The following SNTB1 variants were observed in gnomAD, a reference collection of about 807,000 sequenced individuals.
SNTB1 encodes beta-1-syntrophin.
In SNTB1, 36 loss-of-function variants were observed where a neutral mutation model predicts 48.9. That is an observed-to-expected ratio of 0.74 (90% CI 0.56 to 0.97). The LOEUF is 0.97. Among genes scored for constraint, SNTB1 ranks in the 50% least tolerant of loss-of-function variants. The pLI is 0.00. For synonymous variants in SNTB1, 299 were observed against 294.6 expected (o/e 1.01, Z -0.15); for missense variants, 786 against 703.4 (o/e 1.12, Z -1.33).
intron 2 of SNTB1, among the ~76,000 whole-genome samples, chr8:120,648,595 T>C (rs1817345773): frequency 6.6e-6 from 1 of 151,980 alleles, no homozygotes; most frequent in African/African-American, 2.4e-5. Flanking sequence ...TGGCTGCCCT[T>C]AACATTTTTT....
intron 1 of SNTB1, among the ~76,000 whole-genome samples, chr8:120,809,418 T>C (rs2130196365): frequency 6.6e-6 from 1 of 152,310 alleles, no homozygotes; most frequent in South Asian, 2.1e-4. Flanking sequence ...AGTTTCTGTT[T>C]CAAGAAAGTC....
chr8:120,627,698 G>A (rs751508551), intron 3 of SNTB1, among the ~76,000 whole-genome samples: 2 of 152,138 alleles, frequency 1.3e-5, no homozygotes, highest in Non-Finnish European at 2.9e-5. Flanking sequence ...AATTTTAAAG[G>A]ATTTGAATTA....
intron 3 of SNTB1, among the ~76,000 whole-genome samples, chr8:120,584,254 C>G (rs948280850): frequency 2.0e-5 from 3 of 151,822 alleles, no homozygotes; most frequent in African/African-American, 7.3e-5. Context: ...CCAGCCTGGC[C>G]AACACTGTGA....
chr8:120,688,414 GATAA>G (rs1256490577), intron 2 of SNTB1, among the ~76,000 whole-genome samples: 1 of 152,142 alleles, frequency 6.6e-6, no homozygotes, highest in Non-Finnish European at 1.5e-5. Context: ...AAAGCGAGCA[GATAA>G]ATATACTATT....
intron 1 of SNTB1, among the ~76,000 whole-genome samples, 155 bp from the exon 2 acceptor site, chr8:120,694,063 G>A (rs577168685): frequency 1.4e-5 from 2 of 140,130 alleles, no homozygotes; most frequent in South Asian, 4.5e-4. Flanking sequence ...TCCACTCAAG[G>A]TAATTATCTT....
chr8:120,720,217 C>T (rs1587113419), intron 1 of SNTB1, among the ~76,000 whole-genome samples: 2 of 152,376 alleles, frequency 1.3e-5, no homozygotes, highest in South Asian at 4.1e-4. Flanking sequence ...TAGACCTTCC[C>T]TGGCACCCCA....
At chr8:120,544,023 T>C (rs1420859521) in intron 5 of SNTB1, among the ~76,000 whole-genome samples, 1 of 151,156 alleles carries the variant, frequency 6.6e-6, no homozygotes, top group Non-Finnish European at 1.5e-5. Flanking sequence ...AACTTGGGGC[T>C]CAAAGGATCC....
chr8:120,658,879 A>G (rs1817538896), intron 2 of SNTB1, among the ~76,000 whole-genome samples: 1 of 152,078 alleles, frequency 6.6e-6, no homozygotes, highest in South Asian at 2.1e-4. Flanking sequence ...ATAGCATTTT[A>G]CTGTCTGCAG....
intron 1 of SNTB1, among the ~76,000 whole-genome samples, chr8:120,763,960 T>C (rs1301841653): frequency 6.6e-6 from 1 of 152,070 alleles, no homozygotes; most frequent in Non-Finnish European, 1.5e-5. Context: ...TGAGCAAAAA[T>C]ATATCATCAG....
chr8:120,684,395 C>T (rs1226829449), intron 2 of SNTB1, among the ~76,000 whole-genome samples: 1 of 152,140 alleles, frequency 6.6e-6, no homozygotes, highest in Non-Finnish European at 1.5e-5. Flanking sequence ...AAATTCTTAA[C>T]TCATTCCAGC....
intron 2 of SNTB1, among the ~76,000 whole-genome samples, chr8:120,642,195 T>C (rs906602190): frequency 1.3e-5 from 2 of 152,170 alleles, no homozygotes; most frequent in East Asian, 1.9e-4. Flanking sequence ...GAGAGGGACA[T>C]GGAATGGTGA....
intron 1 of SNTB1, among the ~76,000 whole-genome samples, chr8:120,773,233 T>C (rs1197859066): frequency 6.6e-6 from 1 of 152,134 alleles, no homozygotes; most frequent in East Asian, 1.9e-4. Context: ...AAAGAGAGAT[T>C]GAGGCCGGGC....
intron 3 of SNTB1, among the ~76,000 whole-genome samples, chr8:120,598,592 T>A (rs945513349): frequency 6.6e-6 from 1 of 152,216 alleles, no homozygotes; most frequent in African/African-American, 2.4e-5. Context: ...AGCATTCAGA[T>A]TGTAGCAGGC....
At chr8:120,635,308 A>G (rs1008486733) in intron 2 of SNTB1, among the ~76,000 whole-genome samples, 1 of 152,208 alleles carries the variant, frequency 6.6e-6, no homozygotes, top group African/African-American at 2.4e-5. Flanking sequence ...CATTCTCAAG[A>G]GCATTAATGA....
intron 1 of SNTB1, among the ~76,000 whole-genome samples, chr8:120,783,982 AGTTTTGTTTT>A (rs772026575): frequency 1.6e-4 from 25 of 151,912 alleles, no homozygotes; most frequent in Non-Finnish European, 3.7e-4. Flanking sequence ...CAAATACTCC[AGTTTTGTTTT>A]GTTTTGTTTT....
chr8:120,589,332 G>T (rs990683042), intron 3 of SNTB1, among the ~76,000 whole-genome samples: 5 of 152,158 alleles, frequency 3.3e-5, no homozygotes, highest in Non-Finnish European at 7.3e-5. Context: ...GCTCTGCTCA[G>T]GGATTTCCTC....
At chr8:120,630,519 C>A (rs1816962559) in intron 3 of SNTB1, among the ~76,000 whole-genome samples, 1 of 152,160 alleles carries the variant, frequency 6.6e-6, no homozygotes, top group African/African-American at 2.4e-5. Context: ...TTCCAATGAT[C>A]CCTTTCGACC....
intron 3 of SNTB1, among the ~76,000 whole-genome samples, chr8:120,583,955 A>G (rs886871169): frequency 7.9e-5 from 12 of 152,196 alleles, no homozygotes; most frequent in African/African-American, 2.9e-4. Flanking sequence ...CAAATTAAAA[A>G]TCAATCAATA....
At chr8:120,720,414 A>G (rs1818638494) in intron 1 of SNTB1, among the ~76,000 whole-genome samples, 1 of 152,310 alleles carries the variant, frequency 6.6e-6, no homozygotes, top group African/African-American at 2.4e-5. Flanking sequence ...TATTCTGACA[A>G]CTGAGTCTTT....
Sources: gnomAD v4.1 joint callset for allele counts (sites outside exome capture counted in the v4.1 genomes callset) on GRCh38, gnomAD v4.1.1 for gene constraint, MANE v1.5 for transcripts, NCBI Gene and HGNC (gene_info 2026-07-23, HGNC 2026-07-21) for gene names.